GPR39: variants seen among roughly 807,000 people sequenced by gnomAD.
The protein encoded by GPR39 is G protein-coupled receptor 39, also known as zinc sensing receptor.
A neutral mutation model predicts 18.4 loss-of-function variants in GPR39; 23 were observed. That is an observed-to-expected ratio of 1.25 (90% CI 0.90 to 1.77). The LOEUF (loss-of-function observed/expected upper bound fraction) is 1.77. Ranked by LOEUF, GPR39 falls within the 40% of genes most tolerant of loss-of-function variation. The pLI, the probability that GPR39 is intolerant of heterozygous loss-of-function variation, is 0.00. For missense variants in GPR39, 647 were observed against 602.4 expected, an observed-to-expected ratio of 1.07 and a Z score of -0.78; for synonymous variants, 280 against 257.9, an observed-to-expected ratio of 1.09 and a Z score of -0.82.
intron 1 of GPR39, chr2:132,418,547 G>C (rs934789136): frequency 6.6e-6 from 1 of 152,186 alleles, no homozygotes; most frequent in African/African-American, 2.4e-5. Context: ...TGGCAGGACG[G>C]CCTGTTTATC....
chr2:132,623,758 C>G (rs1681488673), intron 1 of GPR39, among the ~76,000 whole-genome samples: 1 of 152,150 alleles, frequency 6.6e-6, no homozygotes, highest in South Asian at 2.1e-4. Context: ...AGCAAAAATC[C>G]TGGAACCCCT....
chr2:132,585,665 C>T (rs1045806606), intron 1 of GPR39, among the ~76,000 whole-genome samples: 32 of 152,062 alleles, frequency 2.1e-4, no homozygotes. Flanking sequence ...TCAGCTGGTG[C>T]TCGAGGTGGC....
At chr2:132,444,719 T>A in intron 1 of GPR39, among the ~76,000 whole-genome samples, 1 of 152,336 alleles carries the variant, frequency 6.6e-6, no homozygotes, top group South Asian at 2.1e-4. Context: ...AAGATCACCA[T>A]TGATGAAGTG....
chr2:132,626,025 G>A (rs1243346236), intron 1 of GPR39, among the ~76,000 whole-genome samples: 4 of 151,934 alleles, frequency 2.6e-5, no homozygotes, highest in Admixed American at 6.6e-5. Flanking sequence ...GCGTGAACCT[G>A]GGTGGCGGAG....
At chr2:132,625,928 T>C (rs952961981) in intron 1 of GPR39, among the ~76,000 whole-genome samples, 3 of 151,960 alleles carry the variant, frequency 2.0e-5, no homozygotes, top group Admixed American at 2.0e-4. Context: ...GGTGAAACCC[T>C]GTCTCTAGTA....
chr2:132,608,387 T>A (rs1210097416), intron 1 of GPR39, among the ~76,000 whole-genome samples: 1 of 152,098 alleles, frequency 6.6e-6, no homozygotes, highest in Non-Finnish European at 1.5e-5. Context: ...TGAATACACA[T>A]CCCCCGGCTC....
intron 1 of GPR39, among the ~76,000 whole-genome samples, chr2:132,531,665 C>T (rs1352069470): frequency 6.6e-6 from 1 of 152,206 alleles, no homozygotes; most frequent in African/African-American, 2.4e-5. Flanking sequence ...GACCACAGTG[C>T]AATCAAACTA....
intron 1 of GPR39, among the ~76,000 whole-genome samples, chr2:132,500,369 G>A (rs1679000709): frequency 1.3e-5 from 2 of 152,006 alleles, no homozygotes; most frequent in Admixed American, 1.3e-4. Flanking sequence ...CTGTTTATGT[G>A]GTGTATCACA....
intron 1 of GPR39, among the ~76,000 whole-genome samples, chr2:132,487,226 G>A (rs1307598217): frequency 1.3e-5 from 2 of 152,158 alleles, no homozygotes; most frequent in Non-Finnish European, 2.9e-5. Context: ...ACTGATCACA[G>A]ATCACCATAA....
chr2:132,587,016 T>G (rs918746038), intron 1 of GPR39, among the ~76,000 whole-genome samples: 7 of 152,260 alleles, frequency 4.6e-5, no homozygotes, highest in Non-Finnish European at 7.3e-5. Flanking sequence ...GTTTATATGT[T>G]CAATCTGGTT....
At chr2:132,609,491 G>A (rs979297073) in intron 1 of GPR39, among the ~76,000 whole-genome samples, 1 of 152,152 alleles carries the variant, frequency 6.6e-6, no homozygotes, top group African/African-American at 2.4e-5. Flanking sequence ...GGTGCAACTG[G>A]GGTTGAGTTG....
intron 1 of GPR39, among the ~76,000 whole-genome samples, chr2:132,437,553 G>A (rs1050869332): frequency 2.6e-5 from 4 of 152,146 alleles, no homozygotes; most frequent in Admixed American, 2.0e-4. Flanking sequence ...GTGGGTTGGC[G>A]GGCAGAGGCT....
chr2:132,431,798 G>A (rs1680227880), intron 1 of GPR39, among the ~76,000 whole-genome samples: 1 of 152,188 alleles, frequency 6.6e-6, no homozygotes, highest in African/African-American at 2.4e-5. Flanking sequence ...GATGGCAAAT[G>A]GGGAGTATAT....
At chr2:132,513,961 T>C (rs1343398622) in intron 1 of GPR39, among the ~76,000 whole-genome samples, 1 of 152,232 alleles carries the variant, frequency 6.6e-6, no homozygotes, top group Non-Finnish European at 1.5e-5. Flanking sequence ...AGTTAAATTA[T>C]CTAATAGAGC....
At chr2:132,520,295 A>T (rs1679398833) in intron 1 of GPR39, among the ~76,000 whole-genome samples, 1 of 152,208 alleles carries the variant, frequency 6.6e-6, no homozygotes, top group Non-Finnish European at 1.5e-5. Context: ...ATATATGCAC[A>T]TCAATCATAA....
chr2:132,566,884 C>T (rs544855970), intron 1 of GPR39, among the ~76,000 whole-genome samples: 1 of 152,238 alleles, frequency 6.6e-6, no homozygotes, highest in Non-Finnish European at 1.5e-5. Context: ...ATACCTTCAG[C>T]GTCCTGCTGT....
chr2:132,624,043 G>A (rs1681494998), intron 1 of GPR39, among the ~76,000 whole-genome samples: 1 of 152,194 alleles, frequency 6.6e-6, no homozygotes, highest in South Asian at 2.1e-4. Flanking sequence ...GTGACAACAT[G>A]AGTTTGCTAG....
At chr2:132,478,119 G>A (rs532218957) in intron 1 of GPR39, among the ~76,000 whole-genome samples, 31 of 152,286 alleles carry the variant, frequency 2.0e-4, no homozygotes, top group African/African-American at 7.5e-4. Context: ...ATTGGGACTT[G>A]GCATTACAAT....
chr2:132,646,556 C>CTT lies in GPR39; in HGVS notation c.*951_*952dup, dbSNP rs1682095255. 4 of 335,576 alleles carry CTT rather than the reference C, an allele frequency of 1.2e-5. No individual in the cohort carries two copies. In the East Asian group the frequency reaches 1.4e-4, roughly 11 times the overall value. The allele number at this position is 335,576 out of a possible 1,614,324, so 20.8% of individuals were successfully genotyped here. A position where few individuals can be genotyped will look rare whatever the true frequency, so the allele number is the denominator to read the frequency against. ...TGTTAATAAAGAGCTGTTAAATAGA[C>CTT]TTATTTACATTTTAAGTCAGAGTTC... On this transcript the variant is annotated 3_prime_UTR_variant, in exon 2 of 2. Transcript: ENST00000329321.
Sources: allele counts gnomAD v4.1 joint callset (sites outside exome capture counted in the v4.1 genomes callset), GRCh38; gene constraint gnomAD v4.1.1; transcripts MANE v1.5; gene names NCBI Gene and HGNC (gene_info 2026-07-23, HGNC 2026-07-21).